ADCK1: variants seen among roughly 807,000 people sequenced by gnomAD.
The protein encoded by ADCK1 is aarF domain-containing protein kinase 1.
ADCK1 carries 41 observed loss-of-function variants against 52.3 expected under a neutral mutation model. That is an observed-to-expected ratio of 0.78 (90% CI 0.61 to 1.02). ADCK1 has a LOEUF of 1.02. Among genes scored for constraint, ADCK1 ranks in the 50% least tolerant of loss-of-function variants. The pLI is 0.00. For missense variants in ADCK1, 658 were observed against 679.5 expected (o/e 0.97, Z 0.35); for synonymous variants, 250 against 274.6 (o/e 0.91, Z 0.89).
At chr14:77,928,274 C>G (rs2084243659) in intron 9 of ADCK1, among the ~76,000 whole-genome samples, 1 of 152,002 alleles carries the variant, frequency 6.6e-6, no homozygotes, top group African/African-American at 2.4e-5. Flanking sequence ...CAACGGTTCT[C>G]TTGTGAAGGT....
At chr14:77,881,102 C>T (rs2083012681) in intron 4 of ADCK1, among the ~76,000 whole-genome samples, 1 of 152,234 alleles carries the variant, frequency 6.6e-6, no homozygotes, top group Non-Finnish European at 1.5e-5. Flanking sequence ...CACGTCCCAC[C>T]TACAAAACTT....
chr14:77,901,488 CAG>C (rs889932312), intron 6 of ADCK1, among the ~76,000 whole-genome samples: 10 of 151,998 alleles, frequency 6.6e-5, no homozygotes, highest in African/African-American at 2.2e-4. Context: ...CTCCCGGGTT[CAG>C]GCGATTCTCC....
intron 7 of ADCK1, among the ~76,000 whole-genome samples, chr14:77,916,751 A>AG (rs2083935234): frequency 6.6e-6 from 1 of 152,070 alleles, no homozygotes; most frequent in South Asian, 2.1e-4. Flanking sequence ...TCCCGACACC[A>AG]TGTGTGGTCG....
intron 9 of ADCK1, among the ~76,000 whole-genome samples, chr14:77,928,988 A>T (rs893299822): frequency 6.6e-6 from 1 of 152,170 alleles, no homozygotes; most frequent in Admixed American, 6.5e-5. Context: ...CCCGTCTTGT[A>T]TATCTTTTTA....
At chr14:77,821,113 T>C (rs1255846359) in intron 2 of ADCK1, 1 of 152,150 alleles carries the variant, frequency 6.6e-6, no homozygotes, top group African/African-American at 2.4e-5. Context: ...GAACAATCAA[T>C]TGAGATAACT....
intron 6 of ADCK1, among the ~76,000 whole-genome samples, chr14:77,905,011 A>C (rs1263074698): frequency 6.6e-6 from 1 of 152,048 alleles, no homozygotes; most frequent in Non-Finnish European, 1.5e-5. Flanking sequence ...TTTTTAACTG[A>C]GCAGGAGCAG....
intron 3 of ADCK1, among the ~76,000 whole-genome samples, chr14:77,853,673 G>A (rs1291451590): frequency 6.6e-6 from 1 of 152,160 alleles, no homozygotes; most frequent in Non-Finnish European, 1.5e-5. Flanking sequence ...AATAGGTCCT[G>A]TGTGAATGCT....
In ADCK1 at chr14:77,819,110, T is replaced by C; in HGVS notation, c.132T>C (p.Ala44=). 6.4e-7 allele frequency: 1 copy of C among 1,565,342 alleles called. No individual in the cohort carries two copies. Among genetic ancestry groups the C allele is most frequent in the Non-Finnish European group, 8.7e-7 (1 of 1,153,872 alleles). ...CTGTCAGGGTGGGCAGAGCAGTTGC[T>C]ACGGTAGGTTTTTCCCTTTTGGGGG... ...FGAVRVGRAV[A]TTAVISYDYL... Residue 44 remains alanine, a synonymous_variant, in exon 2 of 11, where the codon GCT becomes GCC. Transcript: ENST00000238561.
intron 4 of ADCK1, among the ~76,000 whole-genome samples, chr14:77,885,095 T>C (rs1225453046): frequency 6.6e-6 from 1 of 152,132 alleles, no homozygotes; most frequent in African/African-American, 2.4e-5. Context: ...TTCTAGGGAG[T>C]TGCAGGAAAT....
At chr14:77,826,071 G>A (rs142382242) in intron 3 of ADCK1, among the ~76,000 whole-genome samples, 213 of 152,312 alleles carry the variant, frequency 1.4e-3, no homozygotes, top group African/African-American at 4.7e-3. Flanking sequence ...TCCTAGATAA[G>A]CTGACAGTTT....
At position 77,907,801 on chromosome 14, in the gene ADCK1, A is replaced by C. The variant is rs1317637013; in HGVS notation, c.742-2A>C. 1 of 1,611,850 alleles carries C rather than the reference A, an allele frequency of 6.2e-7. No homozygotes were observed. The highest frequency in any genetic ancestry group is 1.7e-5 in the Admixed American group (1 of 59,870). On this transcript the variant is annotated splice_acceptor_variant, in intron 6 of 10. Coordinates refer to ENST00000238561, the MANE Select transcript of ADCK1 (RefSeq NM_020421.4). LOFTEE classifies it high-confidence loss of function. ...CATCTGACCTGTCCCTTCCTATCCC[A>C]GGTCCCCCGAATCCACTGGGACCTG...
intron 3 of ADCK1, among the ~76,000 whole-genome samples, chr14:77,858,058 G>A (rs1028169198): frequency 6.6e-6 from 1 of 152,146 alleles, no homozygotes; most frequent in Non-Finnish European, 1.5e-5. Flanking sequence ...GTGAGCATCC[G>A]GATGTTAATT....
chr14:77,809,894 C>T (rs1218400626), intron 1 of ADCK1, among the ~76,000 whole-genome samples: 9 of 150,850 alleles, frequency 6.0e-5, no homozygotes, highest in South Asian at 4.2e-4. Flanking sequence ...AAAATTTAGC[C>T]GGGCGTGGTG....
At chr14:77,892,975 C>T (rs935013078) in intron 5 of ADCK1, among the ~76,000 whole-genome samples, 2 of 152,122 alleles carry the variant, frequency 1.3e-5, no homozygotes, top group South Asian at 4.1e-4. Flanking sequence ...CTAGGATAGA[C>T]TGTTGAAGGA....
chr14:77,828,937 T>A (rs1281992938), intron 3 of ADCK1, among the ~76,000 whole-genome samples: 1 of 151,454 alleles, frequency 6.6e-6, no homozygotes, highest in African/African-American at 2.4e-5. Flanking sequence ...AAACAATCAT[T>A]ATTTTATTGC....
intron 3 of ADCK1, among the ~76,000 whole-genome samples, chr14:77,831,352 C>T (rs1246819374): frequency 3.3e-5 from 5 of 152,086 alleles, no homozygotes; most frequent in African/African-American, 9.7e-5. Context: ...GGGCTCCCTC[C>T]GCATGGTTGT....
intron 6 of ADCK1, among the ~76,000 whole-genome samples, chr14:77,901,842 G>A (rs2083554281): frequency 6.6e-6 from 1 of 152,160 alleles, no homozygotes; most frequent in Non-Finnish European, 1.5e-5. Context: ...TCCCAACAGT[G>A]CAGGGCTTGG....
Position 77,893,313 on chromosome 14 carries a change from T to C in ADCK1, c.583-5787T>C, listed in dbSNP as rs560344375. Among the ~76,000 whole-genome samples, 29 of 152,202 alleles carry C rather than the reference T, an allele frequency of 1.9e-4. 1 individual carries two copies. The East Asian group carries it at 4.7e-3, about 24-fold the overall frequency. On this transcript the variant is annotated intron_variant, in intron 5 of 10. Transcript: ENST00000238561. ...CAGCAGTTCTTTTCTACCCACAATA[T>C]TGGGGAGCTTAGCGGGCCATATCTC...
chr14:77,901,242 G>A (rs1227158736), intron 6 of ADCK1, among the ~76,000 whole-genome samples: 1 of 151,394 alleles, frequency 6.6e-6, no homozygotes, highest in Non-Finnish European at 1.5e-5. Context: ...GTAGAGATGG[G>A]GTTTCACCAT....
Sources: gnomAD v4.1 joint callset for allele counts (sites outside exome capture counted in the v4.1 genomes callset) on GRCh38, gnomAD v4.1.1 for gene constraint, MANE v1.5 for transcripts, NCBI Gene and HGNC (gene_info 2026-07-23, HGNC 2026-07-21) for gene names.